PTPRQ: variants seen among roughly 807,000 people sequenced by gnomAD.
The protein encoded by PTPRQ is protein tyrosine phosphatase receptor type Q, also known as phosphatidylinositol phosphatase PTPRQ.
A neutral mutation model predicts 246.0 loss-of-function variants in PTPRQ; 199 were observed. The observed-to-expected ratio is 0.81, with a 90% confidence interval of 0.72 to 0.91. The LOEUF is 0.91. Among genes scored for constraint, PTPRQ ranks in the 40% least tolerant of loss-of-function variants. The pLI is 0.00. For synonymous variants in PTPRQ, 869 were observed against 853.2 expected, an observed-to-expected ratio of 1.02 and a Z score of -0.32; for missense variants, 2,624 against 2,528.4, an observed-to-expected ratio of 1.04 and a Z score of -0.81.
intron 24 of PTPRQ, among the ~76,000 whole-genome samples, chr12:80,548,823 G>T (rs559230531): frequency 6.6e-6 from 1 of 151,988 alleles, no homozygotes; most frequent in African/African-American, 2.4e-5. Context: ...ATTGTTCTTT[G>T]ACCAGGCCTA....
In PTPRQ at chr12:80,568,680, G is replaced by C. The variant is rs143972009; in HGVS notation, c.4285+18946G>C. 1.1e-4 allele frequency among the ~76,000 whole-genome samples: 16 copies of C among 152,220 alleles called. 2 individuals carry two copies. The highest frequency in any genetic ancestry group is 3.9e-4 in the African/African-American group (16 of 41,536). ...CTTTTGTTGCTCTGCTACCATCTTT[G>C]TTAGCCAATATGTGTCACACGAGTT... On this transcript the variant is annotated intron_variant, in intron 25 of 44. Coordinates refer to ENST00000644991, the MANE Select transcript of PTPRQ (RefSeq NM_001145026.2).
At chr12:80,529,295 G>A (rs1288174655) in intron 17 of PTPRQ, among the ~76,000 whole-genome samples, 1 of 152,162 alleles carries the variant, frequency 6.6e-6, no homozygotes. Flanking sequence ...TCTATTTAGT[G>A]AGTGAAAGGA....
chr12:80,500,827 G>A (rs1894776900), intron 14 of PTPRQ, among the ~76,000 whole-genome samples: 1 of 151,918 alleles, frequency 6.6e-6, no homozygotes, highest in Non-Finnish European at 1.5e-5. Context: ...TAGACAATCA[G>A]AAAATTAGAC....
chr12:80,662,733 G>A (rs1299386795), intron 39 of PTPRQ, among the ~76,000 whole-genome samples: 1 of 152,078 alleles, frequency 6.6e-6, no homozygotes, highest in Non-Finnish European at 1.5e-5. Context: ...ATGAAAAGTG[G>A]CATCCATGGG....
At chr12:80,535,573 T>G (rs906154807) in intron 19 of PTPRQ, among the ~76,000 whole-genome samples, 1 of 152,188 alleles carries the variant, frequency 6.6e-6, no homozygotes, top group Non-Finnish European at 1.5e-5. Context: ...CGGAATGTGT[T>G]TAATTAATTT....
chr12:80,520,793 T>C (rs887280727), intron 17 of PTPRQ, among the ~76,000 whole-genome samples: 7 of 152,072 alleles, frequency 4.6e-5, no homozygotes, highest in Admixed American at 2.0e-4. Context: ...CAAGTCTTTG[T>C]TATTGTGAAT....
intron 27 of PTPRQ, among the ~76,000 whole-genome samples, chr12:80,606,373 TTAAA>T (rs892157366): frequency 2.6e-5 from 4 of 151,092 alleles, no homozygotes; most frequent in Admixed American, 2.0e-4. Context: ...CTATCAACAC[TTAAA>T]TAAGAGGCCA....
intron 1 of PTPRQ, 33 bp downstream of exon 1, chr12:80,444,432 TAA>T (rs995930757): frequency 8.1e-7 from 1 of 1,230,414 alleles, no homozygotes; most frequent in African/African-American, 1.5e-5. Flanking sequence ...AAACAAGGGC[TAA>T]GTCATGGGCT....
chr12:80,621,656 C>G (rs1898996281), intron 32 of PTPRQ, among the ~76,000 whole-genome samples: 2 of 151,984 alleles, frequency 1.3e-5, no homozygotes, highest in African/African-American at 4.8e-5. Context: ...TCATTTTAAT[C>G]TAATTCACTA....
intron 25 of PTPRQ, among the ~76,000 whole-genome samples, chr12:80,559,974 A>G (rs1421254983): frequency 2.0e-5 from 3 of 152,198 alleles, no homozygotes; most frequent in Non-Finnish European, 4.4e-5. Flanking sequence ...ACAGTAAGCA[A>G]TTTGGGCAGG....
intron 22 of PTPRQ, 81 bp from the exon 23 acceptor site, chr12:80,542,649 G>T: frequency 5.7e-6 from 8 of 1,396,600 alleles, no homozygotes; most frequent in East Asian, 2.6e-5. Context: ...TTAAACTAGT[G>T]TCTTCAAGAA....
intron 32 of PTPRQ, among the ~76,000 whole-genome samples, chr12:80,621,821 G>A (rs1223301361): frequency 6.6e-6 from 1 of 151,940 alleles, no homozygotes; most frequent in Non-Finnish European, 1.5e-5. Context: ...CTGCTCACGA[G>A]TTTACCAAAT....
intron 25 of PTPRQ, among the ~76,000 whole-genome samples, chr12:80,565,281 C>T (rs1896944230): frequency 6.6e-6 from 1 of 152,210 alleles, no homozygotes; most frequent in Non-Finnish European, 1.5e-5. Flanking sequence ...CTTGACCCCA[C>T]TGATGCTTTA....
chr12:80,478,431 A>G (rs1893901618), intron 8 of PTPRQ, among the ~76,000 whole-genome samples: 1 of 152,108 alleles, frequency 6.6e-6, no homozygotes, highest in African/African-American at 2.4e-5. Context: ...AGATGGGGAA[A>G]AAACAGAACA....
chr12:80,549,530 G>T lies in PTPRQ; in HGVS notation c.4081G>T (p.Asp1361Tyr). ...CTGGCAGTCAGTTTTAGTGAAATGGGATCCACCCAAAAAGGCAAATGGAAT... is the reference window on the plus strand; with the variant it reads ...CTGGCAGTCAGTTTTAGTGAAATGGTATCCACCCAAAAAGGCAAATGGAAT... ...TSWQSVLVKW[D>Y]PPKKANGIIT... Residue 1361 changes from aspartate to tyrosine, a missense_variant, in exon 25 of 45, where the codon GAT becomes TAT. Physicochemically the swap from Asp to Tyr is radical, Grantham distance 160. Coordinates refer to ENST00000644991, the MANE Select transcript of PTPRQ (RefSeq NM_001145026.2). 5.2e-6 allele frequency: 8 copies of T among 1,551,096 alleles called. No homozygotes were observed. Among genetic ancestry groups the T allele is most frequent in the Non-Finnish European group, 7.0e-6 (8 of 1,146,568 alleles).
chr12:80,551,831 C>G (rs148142592), intron 25 of PTPRQ, among the ~76,000 whole-genome samples: 1 of 151,878 alleles, frequency 6.6e-6, no homozygotes, highest in African/African-American at 2.4e-5. Context: ...TATTTTAACT[C>G]AGAAAACATT....
At chr12:80,446,788 G>T (rs530708666) in intron 3 of PTPRQ, among the ~76,000 whole-genome samples, 1 of 151,938 alleles carries the variant, frequency 6.6e-6, no homozygotes, top group Admixed American at 6.6e-5. Flanking sequence ...AGTATTCCAT[G>T]GTGTATATAT....
At chr12:80,529,531 G>A (rs1592619743) in intron 17 of PTPRQ, among the ~76,000 whole-genome samples, 1 of 152,206 alleles carries the variant, frequency 6.6e-6, no homozygotes, top group African/African-American at 2.4e-5. Context: ...ACTGTGGTTT[G>A]GGTATTCAGG....
rs527307051 is a variant in PTPRQ, at chr12:80,604,936, A to G, written c.4610-123A>G. 16 of 1,050,010 alleles carry G rather than the reference A, an allele frequency of 1.5e-5. No individual in the cohort carries two copies. The Admixed American group carries it at 2.4e-4, about 16-fold the overall frequency. The allele number at this position is 1,050,010 out of a possible 1,614,324, so 65.0% of individuals were successfully genotyped here. A position where few individuals can be genotyped will look rare whatever the true frequency, so the allele number is the denominator to read the frequency against. Reference sequence around the variant, plus strand: ...ATGCCTTTAGCACTCTGTGAAATATAAATTAATGTAAAATTAAAATTAATT... The same window carrying G: ...ATGCCTTTAGCACTCTGTGAAATATGAATTAATGTAAAATTAAAATTAATT... On this transcript the variant is annotated intron_variant, in intron 26 of 44. Transcript: ENST00000644991.
Sources: gnomAD v4.1 joint callset for allele counts (sites outside exome capture counted in the v4.1 genomes callset) on GRCh38, gnomAD v4.1.1 for gene constraint, MANE v1.5 for transcripts, NCBI Gene and HGNC (gene_info 2026-07-23, HGNC 2026-07-21) for gene names.